Variants in BRINP2 observed in about 807,000 individuals in gnomAD.
BRINP2 encodes BMP/retinoic acid inducible neural specific 2, also known as BMP/retinoic acid-inducible neural-specific protein 2.
A neutral mutation model predicts 69.2 loss-of-function variants in BRINP2; 21 were observed. The ratio of observed to expected loss-of-function variants is 0.30; its 90% CI spans 0.22 to 0.44. The LOEUF (loss-of-function observed/expected upper bound fraction) is 0.44. Among genes scored for constraint, BRINP2 ranks in the 20% least tolerant of loss-of-function variants. The pLI, the probability that BRINP2 is intolerant of heterozygous loss-of-function variation, is 1.00. For missense variants in BRINP2, 877 were observed against 986.0 expected (o/e 0.89, Z 1.48); for synonymous variants, 380 against 394.1 (o/e 0.96, Z 0.42).
rs540474805 is a variant in BRINP2 at position 177,232,014 on chromosome 1, G to C, written c.269+1869G>C. 9.2e-5 allele frequency among the ~76,000 whole-genome samples: 14 copies of C among 152,290 alleles called. No individual in the cohort carries two copies. In the East Asian group the frequency reaches 2.7e-3, roughly 29 times the overall value. On this transcript the variant is annotated intron_variant, in intron 2 of 7. Coordinates refer to ENST00000361539, the MANE Select transcript of BRINP2 (RefSeq NM_021165.4). ...AAAATCAGAAAATCCACTCTAGAATGTGCTTAAGCAGAGAATCCCTCCAGT... is the reference window on the plus strand; with the variant it reads ...AAAATCAGAAAATCCACTCTAGAATCTGCTTAAGCAGAGAATCCCTCCAGT...
chr1:177,181,966 G>C (rs560643610), intron 1 of BRINP2, among the ~76,000 whole-genome samples: 28 of 152,360 alleles, frequency 1.8e-4, no homozygotes, highest in African/African-American at 6.7e-4. Flanking sequence ...ACCCTTATCT[G>C]TAAGTACACT....
At position 177,171,003 on chromosome 1, in the gene BRINP2, C is replaced by G. The variant is rs1442002856; in HGVS notation, c.-806C>G. On this transcript the variant is annotated 5_prime_UTR_variant, in exon 1 of 8. Transcript: ENST00000361539. ...TTAGGTACGGAGCGCGGAGTCGGAG[C>G]GGGGACGCGCCGGGCTGCAGCTCTG... Among the ~76,000 whole-genome samples, 7 of 152,242 alleles carry G rather than the reference C, an allele frequency of 4.6e-5. No individual in the cohort carries two copies. Among genetic ancestry groups the G allele is most frequent in the African/African-American group, 1.7e-4 (7 of 41,474 alleles).
At chr1:177,174,064 T>G (rs1225215184) in intron 1 of BRINP2, among the ~76,000 whole-genome samples, 1 of 152,212 alleles carries the variant, frequency 6.6e-6, no homozygotes, top group Non-Finnish European at 1.5e-5. Context: ...TCACACGGCT[T>G]ATTGTCTCAT....
chr1:177,175,218 C>T (rs1384042953), intron 1 of BRINP2, among the ~76,000 whole-genome samples: 1 of 152,162 alleles, frequency 6.6e-6, no homozygotes, highest in East Asian at 1.9e-4. Context: ...CCTCTTGTCT[C>T]CCCTTCTCTC....
In BRINP2 at chr1:177,282,289, A is replaced by G. The variant is rs1171330825; in HGVS notation, c.*761A>G. The G allele has an allele frequency of 6.6e-6, 1 of 152,162 alleles. No homozygotes were observed. Among genetic ancestry groups the G allele is most frequent in the Non-Finnish European group, 1.5e-5 (1 of 68,034 alleles). The allele number at this position is 152,162 out of a possible 1,614,324, so 9.4% of individuals were successfully genotyped here. On this transcript the variant is annotated 3_prime_UTR_variant, in exon 8 of 8. Coordinates refer to ENST00000361539, the MANE Select transcript of BRINP2 (RefSeq NM_021165.4). ...AAGCTCTGTCAAGTTAGAGAGAGAC[A>G]ATGTGTAGGAAATGTTCTTTTTTAA... is the stretch of plus-strand genomic sequence containing the variant.
At chr1:177,241,686 C>T (rs1302618448) in intron 2 of BRINP2, among the ~76,000 whole-genome samples, 1 of 152,170 alleles carries the variant, frequency 6.6e-6, no homozygotes, top group Non-Finnish European at 1.5e-5. Context: ...TCAAAGTACT[C>T]AAGAATTTTG....
At position 177,229,097 on chromosome 1, in the gene BRINP2, G is replaced by C. The variant is rs1345730363; in HGVS notation, c.-76-704G>C. Among the ~76,000 whole-genome samples, 3 of 152,150 alleles carry C rather than the reference G, an allele frequency of 2.0e-5. No individual in the cohort carries two copies. In the East Asian group the frequency reaches 5.8e-4, roughly 29 times the overall value. ...TATCCTTGAGAGCATGATCCACTCCGATGACGCTATATGCAATATCTGAGT... is the reference window on the plus strand; with the variant it reads ...TATCCTTGAGAGCATGATCCACTCCCATGACGCTATATGCAATATCTGAGT... On this transcript the variant is annotated intron_variant, in intron 1 of 7. Transcript: ENST00000361539.
intron 4 of BRINP2, among the ~76,000 whole-genome samples, chr1:177,262,907 CAT>C (rs1282798749): frequency 6.6e-6 from 1 of 152,174 alleles, no homozygotes; most frequent in East Asian, 1.9e-4. Context: ...ATAATTATAA[CAT>C]GAGACCAGTC....
chr1:177,236,478 TAGTC>T (rs1426735265), intron 2 of BRINP2, among the ~76,000 whole-genome samples: 1 of 152,200 alleles, frequency 6.6e-6, no homozygotes, highest in Non-Finnish European at 1.5e-5. Context: ...TATAGAGACA[TAGTC>T]ATTCATTCAA....
At chr1:177,206,241 C>T (rs1445003997) in intron 1 of BRINP2, among the ~76,000 whole-genome samples, 1 of 152,184 alleles carries the variant, frequency 6.6e-6, no homozygotes, top group Non-Finnish European at 1.5e-5. Flanking sequence ...GCTACAACCT[C>T]ATAAGAGACC....
In BRINP2 at chr1:177,229,839, T is replaced by G; in HGVS notation, c.-38T>G. ...AGGAGCAGCACGGAGCGGGAGAGCG[T>G]GGCGAGAGAATGAAGAAACCAATCG... is the stretch of plus-strand genomic sequence containing the variant. On this transcript the variant is annotated 5_prime_UTR_variant, in exon 2 of 8. Coordinates refer to ENST00000361539, the MANE Select transcript of BRINP2 (RefSeq NM_021165.4). 1 of 1,545,964 alleles carries G rather than the reference T, an allele frequency of 6.5e-7. No individual in the cohort carries two copies. The highest frequency in any genetic ancestry group is 2.3e-5 in the East Asian group (1 of 43,910).
At chr1:177,175,378 C>A (rs1189687878) in intron 1 of BRINP2, among the ~76,000 whole-genome samples, 3 of 152,130 alleles carry the variant, frequency 2.0e-5, no homozygotes, top group Admixed American at 2.0e-4. Flanking sequence ...AGGCAGCCTG[C>A]CAGCCTGGGC....
chr1:177,254,377 TGCAC>T (rs1650684221), intron 2 of BRINP2, among the ~76,000 whole-genome samples: 1 of 129,024 alleles, frequency 7.8e-6, no homozygotes, highest in African/African-American at 3.2e-5. Context: ...TAAGCACACA[TGCAC>T]ACACACACAC....
chr1:177,217,888 G>A (rs1180712358), intron 1 of BRINP2, among the ~76,000 whole-genome samples: 1 of 152,144 alleles, frequency 6.6e-6, no homozygotes, highest in African/African-American at 2.4e-5. Flanking sequence ...TGTCTGGCAG[G>A]GCCACAGGGT....
chr1:177,270,082 T>TGGC (rs1651256510), intron 4 of BRINP2, among the ~76,000 whole-genome samples: 1 of 130,082 alleles, frequency 7.7e-6, no homozygotes, highest in Admixed American at 7.8e-5. Context: ...GGGCAAGGGG[T>TGGC]GGGGGGGGTG....
chr1:177,264,586 A>G (rs1375434409), intron 4 of BRINP2, among the ~76,000 whole-genome samples: 2 of 152,234 alleles, frequency 1.3e-5, no homozygotes, highest in African/African-American at 4.8e-5. Context: ...AATCTCCTTA[A>G]GCTGATAAGC....
intron 1 of BRINP2, among the ~76,000 whole-genome samples, chr1:177,216,146 G>A (rs1351369865): frequency 1.3e-5 from 2 of 151,800 alleles, no homozygotes; most frequent in East Asian, 3.9e-4. Flanking sequence ...ACTTACTATT[G>A]CCATTTTGTT....
chr1:177,182,938 G>A (rs956106076), intron 1 of BRINP2, among the ~76,000 whole-genome samples: 1 of 151,548 alleles, frequency 6.6e-6, no homozygotes, highest in Non-Finnish European at 1.5e-5. Flanking sequence ...TAGGGGTTTT[G>A]TTGTTGTTGT....
At chr1:177,195,661 G>C (rs930746433) in intron 1 of BRINP2, among the ~76,000 whole-genome samples, 3 of 151,636 alleles carry the variant, frequency 2.0e-5, no homozygotes, top group Admixed American at 6.6e-5. Flanking sequence ...CTGGCAAGTG[G>C]GGGGGGAATC....
Sources: gnomAD v4.1 joint callset for allele counts (sites outside exome capture counted in the v4.1 genomes callset) on GRCh38, gnomAD v4.1.1 for gene constraint, MANE v1.5 for transcripts, NCBI Gene and HGNC (gene_info 2026-07-23, HGNC 2026-07-21) for gene names.